The following EYS variants were observed in gnomAD, a reference collection of about 807,000 sequenced individuals.
EYS encodes protein eyes shut homolog.
Under a neutral mutation model 282.1 loss-of-function variants are expected in EYS, and 250 were observed. The observed-to-expected ratio is 0.89, with a 90% CI of 0.80 to 0.98. The LOEUF (loss-of-function observed/expected upper bound fraction) is 0.98, where lower values mean the gene tolerates loss of function less well. EYS is among the 50% of genes least tolerant of loss of function. The pLI, the probability that EYS is intolerant of heterozygous loss-of-function variation, is 0.00. For synonymous variants in EYS, 1,355 were observed against 1,282.9 expected, an observed-to-expected ratio of 1.06 and a Z score of -1.20; for missense variants, 4,016 against 3,709.0, an observed-to-expected ratio of 1.08 and a Z score of -2.15.
At chr6:64,421,824 G>A (rs921524623) in intron 28 of EYS, among the ~76,000 whole-genome samples, 70 of 151,820 alleles carry the variant, frequency 4.6e-4, no homozygotes, top group African/African-American at 1.6e-3. Flanking sequence ...AAGAGAGAGA[G>A]AGCGAGAGAG....
intron 18 of EYS, among the ~76,000 whole-genome samples, chr6:64,888,200 T>C (rs931317999): frequency 2.6e-5 from 4 of 151,962 alleles, no homozygotes; most frequent in Admixed American, 2.6e-4. Context: ...AGAATAAATT[T>C]GGTGTCCTAT....
intron 2 of EYS, among the ~76,000 whole-genome samples, chr6:65,611,173 A>G (rs1218344521): frequency 3.9e-5 from 5 of 128,840 alleles, no homozygotes; most frequent in Admixed American, 1.6e-4. Context: ...TATAATTAGA[A>G]TATTGAAAAA....
At chr6:64,895,922 T>G (rs527494346) in intron 18 of EYS, among the ~76,000 whole-genome samples, 1 of 152,164 alleles carries the variant, frequency 6.6e-6, no homozygotes, top group Admixed American at 6.5e-5. Flanking sequence ...AAAGAAAAGT[T>G]AAATAAGATG....
intron 36 of EYS, among the ~76,000 whole-genome samples, chr6:63,840,235 A>G (rs200602596): frequency 3.3e-3 from 486 of 145,994 alleles, no homozygotes; most frequent in Non-Finnish European, 4.8e-3. Flanking sequence ...TATTATTATT[A>G]TTGTATTTTT....
Position 64,945,865 on chromosome 6 carries a change from T to A in EYS, c.2309A>T (p.Gln770Leu). The A allele has an allele frequency of 6.5e-7, 1 of 1,549,430 alleles. No individual in the cohort carries two copies. Among genetic ancestry groups the A allele is most frequent in the Non-Finnish European group, 8.7e-7 (1 of 1,145,398 alleles). The change falls in exon 15 of 43, where the codon CAA becomes CTA. Residue 770 changes from glutamine (Q) to leucine (L), a missense_variant. By Grantham distance (113) the Gln-to-Leu change is moderately radical. Coordinates refer to ENST00000503581, the MANE Select transcript of EYS (RefSeq NM_001142800.2). ...LSDWEGNFCE[Q>L]ESNECKMNPC... Reference sequence around the variant, plus strand: ...ATTCATTTTACACTCATTGGATTCTTGTTCACAAAAATTTCCTTCCCAATC... The same window carrying A: ...ATTCATTTTACACTCATTGGATTCTAGTTCACAAAAATTTCCTTCCCAATC...
rs543771926 is a variant in EYS, at chr6:65,217,555, C to A, written c.2023+78308G>T. 2.2e-4 allele frequency among the ~76,000 whole-genome samples: 34 copies of A among 152,010 alleles called. No homozygotes were observed. In the South Asian group the frequency reaches 6.8e-3, roughly 31 times the overall value. ...ACAGACCTGAAACCAGATGATGAGA[C>A]GGGCTGGAGCAAAGGAAGGGAGCTC... On this transcript the variant is annotated intron_variant, in intron 12 of 42. Transcript: ENST00000503581.
At chr6:64,454,386 A>G (rs79197997) in intron 26 of EYS, among the ~76,000 whole-genome samples, 3,041 of 152,224 alleles carry the variant, frequency 0.02, 98 homozygotes, top group African/African-American at 0.068. Context: ...TTATATAAAT[A>G]TTGAAATTAG....
At chr6:63,871,638 G>A (rs1161865811) in intron 35 of EYS, among the ~76,000 whole-genome samples, 1 of 152,046 alleles carries the variant, frequency 6.6e-6, no homozygotes, top group Non-Finnish European at 1.5e-5. Context: ...CTCCAGCCTG[G>A]GCAACAGAGT....
chr6:64,111,520 A>G (rs1029184862), intron 31 of EYS, among the ~76,000 whole-genome samples: 5 of 152,116 alleles, frequency 3.3e-5, no homozygotes, highest in Non-Finnish European at 7.4e-5. Flanking sequence ...TCAGAAAAGT[A>G]GGACACAAAT....
chr6:64,841,207 A>T (rs1178367961), intron 19 of EYS, among the ~76,000 whole-genome samples: 1 of 152,138 alleles, frequency 6.6e-6, no homozygotes, highest in Non-Finnish European at 1.5e-5. Flanking sequence ...ATAGATAAAC[A>T]CTATGAAAGG....
intron 12 of EYS, among the ~76,000 whole-genome samples, chr6:65,174,717 A>T (rs547034066): frequency 2.6e-5 from 4 of 151,474 alleles, no homozygotes; most frequent in African/African-American, 9.6e-5. Flanking sequence ...TCTATGCTTG[A>T]CTGATCCATA....
intron 28 of EYS, among the ~76,000 whole-genome samples, chr6:64,395,345 C>A (rs1561970372): frequency 6.6e-6 from 1 of 152,058 alleles, no homozygotes; most frequent in African/African-American, 2.4e-5. Flanking sequence ...ATGTTTATTG[C>A]AGCATTATTC....
chr6:65,053,460 G>A (rs901300566), intron 13 of EYS, among the ~76,000 whole-genome samples: 1 of 151,602 alleles, frequency 6.6e-6, no homozygotes, highest in African/African-American at 2.4e-5. Context: ...AATGGGGTAA[G>A]AGTCATCTAC....
intron 30 of EYS, among the ~76,000 whole-genome samples, chr6:64,282,817 C>T (rs141004382): frequency 3.1e-3 from 478 of 152,334 alleles, no homozygotes; most frequent in Non-Finnish European, 4.7e-3. Flanking sequence ...TCTATTGCTT[C>T]TGCATTCAAA....
intron 5 of EYS, among the ~76,000 whole-genome samples, chr6:65,435,429 T>C (rs1768038052): frequency 1.0e-5 from 1 of 100,290 alleles, no homozygotes; most frequent in Non-Finnish European, 2.4e-5. Context: ...TATTTAACAA[T>C]AGATGTCTTT....
At chr6:65,230,627 A>G (rs1766747218) in intron 12 of EYS, among the ~76,000 whole-genome samples, 2 of 151,722 alleles carry the variant, frequency 1.3e-5, no homozygotes, top group Non-Finnish European at 3.0e-5. Flanking sequence ...GAGAGTCTGT[A>G]TTTGAACAAT....
At chr6:65,645,901 T>C (rs1767433613) in intron 1 of EYS, among the ~76,000 whole-genome samples, 1 of 151,954 alleles carries the variant, frequency 6.6e-6, no homozygotes, top group Non-Finnish European at 1.5e-5. Flanking sequence ...ACGAACACCT[T>C]TATGCACATA....
chr6:64,274,908 T>C (rs902113510), intron 30 of EYS, among the ~76,000 whole-genome samples: 6 of 152,194 alleles, frequency 3.9e-5, no homozygotes, highest in African/African-American at 1.4e-4. Flanking sequence ...TAGTGGCGAC[T>C]ATCTGGCAGC....
chr6:64,294,787 T>G (rs1426570155), intron 30 of EYS, among the ~76,000 whole-genome samples: 1 of 151,974 alleles, frequency 6.6e-6, no homozygotes, highest in Non-Finnish European at 1.5e-5. Flanking sequence ...ATCACTTTAA[T>G]TTAAAAAATT....
Sources: gnomAD v4.1 joint callset for allele counts (sites outside exome capture counted in the v4.1 genomes callset) on GRCh38, gnomAD v4.1.1 for gene constraint, MANE v1.5 for transcripts, NCBI Gene and HGNC (gene_info 2026-07-23, HGNC 2026-07-21) for gene names.